AGBL1: variants seen among roughly 807,000 people sequenced by gnomAD.
AGBL1 encodes the protein cytosolic carboxypeptidase 4.
A neutral mutation model predicts 118.9 loss-of-function variants in AGBL1; 130 were observed. That is an observed-to-expected ratio of 1.09 (90% CI 0.95 to 1.26). The LOEUF (loss-of-function observed/expected upper bound fraction) is 1.26, where lower values mean the gene tolerates loss of function less well. AGBL1 is among the 50% of genes most tolerant of loss of function. The probability of loss-of-function intolerance (pLI) is 0.00; values close to 1 mark genes in which losing one functional copy is unlikely to be tolerated. For synonymous variants in AGBL1, 555 were observed against 478.9 expected, an observed-to-expected ratio of 1.16 and a Z score of -2.08; for missense variants, 1,584 against 1,298.1, an observed-to-expected ratio of 1.22 and a Z score of -3.38.
intron 21 of AGBL1, among the ~76,000 whole-genome samples, chr15:86,633,579 G>C (rs990923973): frequency 9.9e-5 from 15 of 151,680 alleles, no homozygotes; most frequent in Non-Finnish European, 1.9e-4. Flanking sequence ...TTTAAATTTT[G>C]ATGGTTCTTT....
In AGBL1 at chr15:86,247,973, C is replaced by T. The variant is rs556117790; in HGVS notation, c.735+94C>T. On this transcript the variant is annotated intron_variant, in intron 7 of 22. Coordinates refer to ENST00000614907, the MANE Select transcript of AGBL1 (RefSeq NM_001386094.1). ...GAATCATCCCAGATAGAGCTGGGAACGCCTCAGTCTATTTCTTGTTGCCTG... is the reference window on the plus strand; with the variant it reads ...GAATCATCCCAGATAGAGCTGGGAATGCCTCAGTCTATTTCTTGTTGCCTG... The T allele has an allele frequency of 7.9e-4, 1,135 of 1,442,396 alleles. 1 individual carries two copies. The highest frequency in any genetic ancestry group is 1.0e-3 in the Non-Finnish European group (1,037 of 1,034,856). 89.3% of individuals were successfully genotyped at this position (1,442,396 alleles called of 1,614,324 possible).
intron 17 of AGBL1, among the ~76,000 whole-genome samples, chr15:86,315,658 C>T (rs929543775): frequency 6.8e-6 from 1 of 146,562 alleles, no homozygotes; most frequent in Non-Finnish European, 1.5e-5. Flanking sequence ...GCAGAGGTTG[C>T]AGTGAGCTGA....
intron 22 of AGBL1, among the ~76,000 whole-genome samples, chr15:86,804,548 G>A (rs1170041516): frequency 1.3e-5 from 2 of 152,032 alleles, no homozygotes; most frequent in African/African-American, 2.4e-5. Context: ...ATGGAAGGAA[G>A]CGAAGCCAAA....
chr15:86,377,170 TG>T (rs1269513763), intron 17 of AGBL1, among the ~76,000 whole-genome samples: 1 of 152,240 alleles, frequency 6.6e-6, no homozygotes, highest in Non-Finnish European at 1.5e-5. Context: ...TCCATTCATC[TG>T]GGTGCATTGG....
intron 5 of AGBL1, among the ~76,000 whole-genome samples, chr15:86,205,493 A>G (rs868136998): frequency 3.3e-5 from 5 of 151,008 alleles, no homozygotes; most frequent in African/African-American, 7.3e-5. Flanking sequence ...GCTGGATTGT[A>G]TAATAAAAGT....
At chr15:86,167,061 G>A (rs1402690842) in intron 5 of AGBL1, among the ~76,000 whole-genome samples, 1 of 151,982 alleles carries the variant, frequency 6.6e-6, no homozygotes, top group Non-Finnish European at 1.5e-5. Flanking sequence ...GACTCAGTGA[G>A]GAGCTTATGC....
chr15:86,574,570 ATTT>A (rs776642678), intron 21 of AGBL1, among the ~76,000 whole-genome samples: 37 of 83,786 alleles, frequency 4.4e-4, no homozygotes, highest in African/African-American at 1.4e-3. Context: ...AAAAGTTTTA[ATTT>A]TTTTTTTTTT....
intron 22 of AGBL1, among the ~76,000 whole-genome samples, chr15:86,873,063 C>A (rs933687728): frequency 1.3e-5 from 2 of 152,180 alleles, no homozygotes; most frequent in Admixed American, 6.5e-5. Context: ...TGCTGCCAAA[C>A]CCCAGGTCTC....
At chr15:86,815,754 A>G (rs112768167) in intron 22 of AGBL1, among the ~76,000 whole-genome samples, 186 of 152,074 alleles carry the variant, frequency 1.2e-3, no homozygotes, top group African/African-American at 4.2e-3. Context: ...TCTAAGTAAC[A>G]CTCTATCCCC....
intron 23 of AGBL1, among the ~76,000 whole-genome samples, chr15:86,956,377 A>G (rs1026654892): frequency 1.3e-5 from 2 of 152,088 alleles, no homozygotes; most frequent in African/African-American, 2.4e-5. Context: ...AGGCAGATAA[A>G]ATGAAAGAGA....
At chr15:86,428,907 T>A (rs2142035433) in intron 18 of AGBL1, among the ~76,000 whole-genome samples, 1 of 152,338 alleles carries the variant, frequency 6.6e-6, no homozygotes, top group East Asian at 1.9e-4. Context: ...ATGGAAAGGT[T>A]TATGTCCCAG....
At chr15:86,753,150 A>G (rs1383100847) in intron 22 of AGBL1, among the ~76,000 whole-genome samples, 1 of 152,056 alleles carries the variant, frequency 6.6e-6, no homozygotes, top group East Asian at 1.9e-4. Flanking sequence ...CTGTGTCTCT[A>G]TGTTATATAG....
rs1567194155 is a variant in AGBL1, at chr15:86,827,293, ATATATATATG to A, written c.3159-79784_3159-79775del. Among the ~76,000 whole-genome samples, 114 of 14,440 alleles carry A rather than the reference ATATATATATG, an allele frequency of 7.9e-3. 3 individuals carry two copies. The East Asian group carries it at 0.31, about 40-fold the overall frequency. 9.5% of individuals were successfully genotyped at this position (14,440 alleles called of 152,430 possible). A position where few individuals can be genotyped will look rare whatever the true frequency, so the allele number is the denominator to read the frequency against. ...TAGTGGGCCCAATGGGTGTGTATGT[ATATATATATG>A]TATATATATATATACACACACATAT... On this transcript the variant is annotated intron_variant, in intron 22 of 22. Coordinates refer to ENST00000614907, the MANE Select transcript of AGBL1 (RefSeq NM_001386094.1).
At chr15:86,565,017 T>C (rs896375768) in intron 21 of AGBL1, among the ~76,000 whole-genome samples, 1 of 152,242 alleles carries the variant, frequency 6.6e-6, no homozygotes, top group Non-Finnish European at 1.5e-5. Context: ...CTAGTTATTC[T>C]AGTTAGCCAT....
chr15:86,431,992 G>C (rs2081941154), intron 18 of AGBL1, among the ~76,000 whole-genome samples: 1 of 152,098 alleles, frequency 6.6e-6, no homozygotes, highest in South Asian at 2.1e-4. Context: ...CTAGAATCCA[G>C]GGACTCACCT....
intron 18 of AGBL1, among the ~76,000 whole-genome samples, chr15:86,402,318 T>G (rs973004176): frequency 3.3e-5 from 5 of 152,126 alleles, no homozygotes; most frequent in African/African-American, 1.2e-4. Flanking sequence ...ATCCTGAAAC[T>G]TTACTGAATT....
At chr15:86,187,547 C>T (rs1231274751) in intron 5 of AGBL1, among the ~76,000 whole-genome samples, 1 of 152,172 alleles carries the variant, frequency 6.6e-6, no homozygotes, top group Non-Finnish European at 1.5e-5. Flanking sequence ...TGCTGAGCCT[C>T]AATTTTTACA....
chr15:86,263,705 C>T (rs752013086), intron 10 of AGBL1, among the ~76,000 whole-genome samples: 3 of 152,162 alleles, frequency 2.0e-5, no homozygotes, highest in Admixed American at 6.5e-5. Flanking sequence ...GTTGCTGCTG[C>T]CACTGTTGCT....
At chr15:86,541,768 C>T (rs2083500478) in intron 19 of AGBL1, among the ~76,000 whole-genome samples, 1 of 152,024 alleles carries the variant, frequency 6.6e-6, no homozygotes, top group East Asian at 1.9e-4. Flanking sequence ...GGAACAGATG[C>T]CTCTAGAGAC....
Sources: gnomAD v4.1 joint callset for allele counts (sites outside exome capture counted in the v4.1 genomes callset) on GRCh38, gnomAD v4.1.1 for gene constraint, MANE v1.5 for transcripts, NCBI Gene and HGNC (gene_info 2026-07-23, HGNC 2026-07-21) for gene names.